The following FIG4 variants were observed in gnomAD, a reference collection of about 807,000 sequenced individuals.
The protein encoded by FIG4 is FIG4 phosphoinositide 5-phosphatase, also known as polyphosphoinositide phosphatase.
A neutral mutation model predicts 118.6 loss-of-function variants in FIG4; 112 were observed. That is an observed-to-expected ratio of 0.94 (90% CI 0.81 to 1.11). The LOEUF is 1.11. Ranked by LOEUF, FIG4 falls within the 50% of genes least tolerant of loss-of-function variation. The pLI is 0.00. For synonymous variants in FIG4, 369 were observed against 381.2 expected, an observed-to-expected ratio of 0.97 and a Z score of 0.37; for missense variants, 969 against 1,111.7, an observed-to-expected ratio of 0.87 and a Z score of 1.83.
At chr6:109,795,106 T>TTTTTTTTTTTTTTC (rs1778244887) in intron 21 of FIG4, among the ~76,000 whole-genome samples, 1 of 25,280 alleles carries the variant, frequency 4.0e-5, no homozygotes, top group Non-Finnish European at 6.4e-5. Flanking sequence ...TTTTTTTTTT[T>TTTTTTTTTTTTTTC]TTTTTTTTTT....
chr6:109,720,391 CACTA>C (rs778820944), intron 3 of FIG4, among the ~76,000 whole-genome samples: 1 of 152,176 alleles, frequency 6.6e-6, no homozygotes, highest in Non-Finnish European at 1.5e-5. Flanking sequence ...ATATTTTCTT[CACTA>C]ACTTTTTGAA....
At chr6:109,720,826 A>G (rs1775584513) in intron 3 of FIG4, among the ~76,000 whole-genome samples, 1 of 152,140 alleles carries the variant, frequency 6.6e-6, no homozygotes, top group African/African-American at 2.4e-5. Flanking sequence ...AAACGGATTG[A>G]TCCAGTCCTG....
chr6:109,727,701 C>T (rs1460432045), intron 4 of FIG4, among the ~76,000 whole-genome samples: 1 of 152,052 alleles, frequency 6.6e-6, no homozygotes, highest in Non-Finnish European at 1.5e-5. Flanking sequence ...TCAAACTTCA[C>T]ATCACCAATA....
chr6:109,802,761 GA>G (rs1243832653), intron 22 of FIG4, among the ~76,000 whole-genome samples: 44 of 152,170 alleles, frequency 2.9e-4, no homozygotes, highest in Admixed American at 2.9e-3. Context: ...TGGTTTCTGT[GA>G]TACATCCATA....
At chr6:109,728,567 C>G (rs191371609) in intron 4 of FIG4, among the ~76,000 whole-genome samples, 1 of 152,214 alleles carries the variant, frequency 6.6e-6, no homozygotes, top group African/African-American at 2.4e-5. Context: ...AAAGGTGATG[C>G]AGCCCTGTTG....
rs773660356 is a variant in FIG4, at chr6:109,765,070, T to C, written c.1492T>C (p.Phe498Leu). 1.2e-6 allele frequency: 2 copies of C among 1,613,724 alleles called. No homozygotes were observed. Among genetic ancestry groups the C allele is most frequent in the South Asian group, 1.1e-5 (1 of 91,078 alleles). ...TTTAGATCGCACCAACACAGCACAG[T>C]TTATGGTGGGAAAATGTGCTCTGGC... ...DCLDRTNTAQ[F>L]MVGKCALAYQ... The change falls in exon 14 of 23, where the codon TTT becomes CTT. Residue 498 changes from phenylalanine to leucine, a missense_variant. Around this residue, in one of 3 missense-constraint regions of FIG4, gnomAD observed 246 missense variants for 354.3 expected, o/e 0.69. Coordinates refer to ENST00000230124, the MANE Select transcript of FIG4 (RefSeq NM_014845.6).
chr6:109,758,842 A>G (rs1415013564), intron 10 of FIG4, among the ~76,000 whole-genome samples: 3 of 152,240 alleles, frequency 2.0e-5, no homozygotes, highest in East Asian at 1.9e-4. Context: ...GCCAACAAAC[A>G]TATGAAAAAA....
chr6:109,756,795 T>C (rs924305027), intron 10 of FIG4, among the ~76,000 whole-genome samples: 3 of 152,222 alleles, frequency 2.0e-5, no homozygotes, highest in African/African-American at 4.8e-5. Flanking sequence ...ATCAGCTCCT[T>C]TAAGCACTTC....
At position 109,766,412 on chromosome 6, in the gene FIG4, T is replaced by C. The variant is rs17612996; in HGVS notation, c.1584-317T>C. Among the ~76,000 whole-genome samples the C allele has an allele frequency of 0.3, 45,596 of 152,154 alleles. 7,398 individuals are homozygous for C. Among genetic ancestry groups the C allele is most frequent in the Non-Finnish European group, 0.37 (24,906 of 67,984 alleles). ...TCAGAGAGCACAGTACATTCCGTTA[T>C]GGGAAGTGAATTGCTCTGGCAGGCT... On this transcript the variant is annotated intron_variant, in intron 14 of 22. Transcript: ENST00000230124.
intron 3 of FIG4, among the ~76,000 whole-genome samples, chr6:109,725,576 T>A (rs1026379079): frequency 2.6e-5 from 4 of 152,202 alleles, no homozygotes; most frequent in Non-Finnish European, 5.9e-5. Flanking sequence ...TGTGTGCATG[T>A]GTCTTTATAG....
At chr6:109,726,969 C>T (rs912720980) in intron 3 of FIG4, 140 bp from the exon 4 acceptor site, 4 of 699,982 alleles carry the variant, frequency 5.7e-6, no homozygotes, top group Admixed American at 4.7e-5. Context: ...AATCCTAAGA[C>T]ACCTGAAAAT....
At chr6:109,762,272 C>G (rs1777134484) in intron 12 of FIG4, 65 bp downstream of exon 12, 3 of 981,354 alleles carry the variant, frequency 3.1e-6, no homozygotes, top group Non-Finnish European at 3.3e-6. Flanking sequence ...ATTCTAAATA[C>G]AGCAGTTTGT....
chr6:109,805,314 T>C (rs1778536134), intron 22 of FIG4, among the ~76,000 whole-genome samples: 2 of 152,214 alleles, frequency 1.3e-5, no homozygotes, highest in Admixed American at 6.5e-5. Flanking sequence ...TTGATCAACA[T>C]AACTGGAGAA....
At chr6:109,738,563 A>T in intron 7 of FIG4, 110 bp downstream of exon 7, 1 of 1,035,386 alleles carries the variant, frequency 9.7e-7, no homozygotes, top group African/African-American at 1.6e-5. Context: ...TGTGCACCCC[A>T]ACAGGAAAAC....
At position 109,732,543 on chromosome 6, in the gene FIG4, A is replaced by G. The variant is rs1776034130; in HGVS notation, c.447-94A>G. 21 of 730,630 alleles carry G rather than the reference A, an allele frequency of 2.9e-5. No homozygotes were observed. In the Admixed American group the frequency reaches 4.4e-4, roughly 15 times the overall value. 45.3% of individuals were successfully genotyped at this position (730,630 alleles called of 1,614,324 possible). A position where few individuals can be genotyped will look rare whatever the true frequency, so the allele number is the denominator to read the frequency against. ...TGAATTCCTCAGCTTTAATGAGCATATTTACAAATATAAATGTACATATGG... is the reference window on the plus strand; with the variant it reads ...TGAATTCCTCAGCTTTAATGAGCATGTTTACAAATATAAATGTACATATGG... On this transcript the variant is annotated intron_variant, in intron 4 of 22. Transcript: ENST00000230124.
At chr6:109,738,510 T>C in intron 7 of FIG4, 57 bp downstream of exon 7, 2 of 1,475,698 alleles carry the variant, frequency 1.4e-6, no homozygotes, top group South Asian at 2.3e-5. Context: ...ATGTATCAAT[T>C]TGTAGACAGC....
intron 10 of FIG4, among the ~76,000 whole-genome samples, chr6:109,746,344 A>T (rs1159553831): frequency 6.6e-6 from 1 of 152,158 alleles, no homozygotes; most frequent in Non-Finnish European, 1.5e-5. Flanking sequence ...GGTAATGCAG[A>T]GGCAACAATA....
chr6:109,744,991 A>G (rs1255762756), intron 10 of FIG4, among the ~76,000 whole-genome samples: 4 of 152,130 alleles, frequency 2.6e-5, no homozygotes, highest in African/African-American at 4.8e-5. Context: ...TTACGGCTGC[A>G]TAGTATTCCA....
chr6:109,777,707 C>T lies in FIG4; in HGVS notation c.1889+647C>T, dbSNP rs114155194. Among the ~76,000 whole-genome samples the T allele has an allele frequency of 6.8e-3, 1,029 of 152,312 alleles. 13 individuals carry two copies. The highest frequency in any genetic ancestry group is 0.024 in the African/African-American group (995 of 41,564). Reference sequence around the variant, plus strand: ...CTTTCATGTCCCCACCACTCACATGCTTGAGTCACTTGCCAGTACAGGTTA... The same window carrying T: ...CTTTCATGTCCCCACCACTCACATGTTTGAGTCACTTGCCAGTACAGGTTA... On this transcript the variant is annotated intron_variant, in intron 16 of 22. Transcript: ENST00000230124.
Sources: allele counts gnomAD v4.1 joint callset (sites outside exome capture counted in the v4.1 genomes callset), GRCh38; gene constraint gnomAD v4.1.1; regional missense constraint gnomAD v4.1.1; transcripts MANE v1.5; gene names NCBI Gene and HGNC (gene_info 2026-07-23, HGNC 2026-07-21).